CIP2A: variants seen among roughly 807,000 people sequenced by gnomAD.
CIP2A encodes the protein cellular inhibitor of PP2A, also known as protein CIP2A.
Under a neutral mutation model 110.9 loss-of-function variants are expected in CIP2A, and 103 were observed. The ratio of observed to expected loss-of-function variants is 0.93; its 90% CI spans 0.79 to 1.09. The LOEUF is 1.09. CIP2A is among the 50% of genes least tolerant of loss of function. CIP2A has a pLI of 0.00. For missense variants in CIP2A, 1,088 were observed against 1,038.4 expected (o/e 1.05, Z -0.66); for synonymous variants, 381 against 361.6 (o/e 1.05, Z -0.61).
In CIP2A at chr3:108,581,446, T is replaced by C. The variant is rs767593626; in HGVS notation, c.518A>G (p.Asn173Ser). Residue 173 changes from asparagine to serine, a missense_variant, in exon 5 of 21, where the codon AAT becomes AGT. Coordinates refer to ENST00000295746, the MANE Select transcript of CIP2A (RefSeq NM_020890.3). ...CTTTATGTGCGTTTGAACAGAAAGATTGTGCCGACAAAGATTTGCCAATAA... is the reference window on the plus strand; with the variant it reads ...CTTTATGTGCGTTTGAACAGAAAGACTGTGCCGACAAAGATTTGCCAATAA... ...LGLLANLCRH[N>S]LSVQTHIKTL... 1.1e-5 allele frequency: 18 copies of C among 1,612,802 alleles called. No homozygotes were observed. Among genetic ancestry groups the C allele is most frequent in the Admixed American group, 5.0e-5 (3 of 59,994 alleles).
rs1255130328 is a variant in CIP2A, at chr3:108,576,287, G to A, written c.878C>T (p.Pro293Leu). Reference protein sequence around the residue: ...QVLGLLNGKDPDSSSKVLELL... With the variant: ...QVLGLLNGKDLDSSSKVLELL... ...TTTACATACCTTTGAAGAGGAATCAGGATCCTTTCCATTAAGAAGACCTAA... is the reference window on the plus strand; with the variant it reads ...TTTACATACCTTTGAAGAGGAATCAAGATCCTTTCCATTAAGAAGACCTAA... The change falls in exon 8 of 21, where the codon CCT becomes CTT. Residue 293 changes from proline to leucine, a missense_variant. Physicochemically the swap from Pro to Leu is moderately conservative, Grantham distance 98. Coordinates refer to ENST00000295746, the MANE Select transcript of CIP2A (RefSeq NM_020890.3). 1.3e-6 allele frequency: 2 copies of A among 1,560,968 alleles called. No individual in the cohort carries two copies. The highest frequency in any genetic ancestry group is 8.7e-7 in the Non-Finnish European group (1 of 1,152,724).
intron 8 of CIP2A, among the ~76,000 whole-genome samples, chr3:108,571,038 G>C (rs1328983121): frequency 6.6e-6 from 1 of 151,880 alleles, no homozygotes; most frequent in Non-Finnish European, 1.5e-5. Flanking sequence ...CATTAGCCCA[G>C]GTCTACACAG....
In CIP2A at chr3:108,585,046, G is replaced by A. The variant is rs774189436; in HGVS notation, c.250+19C>T. The A allele has an allele frequency of 5.6e-6, 9 of 1,593,418 alleles. No homozygotes were observed. Among genetic ancestry groups the A allele is most frequent in the Non-Finnish European group, 6.8e-6 (8 of 1,170,506 alleles). On this transcript the variant is annotated intron_variant, in intron 2 of 20. Transcript: ENST00000295746. The stretch of plus-strand genomic sequence containing the variant: ...CATACATCTTCCAAAAACTAAAAAG[G>A]AGAAATTAAATGCATTACCTAGTTG...
chr3:108,587,983 G>C (rs1216834929), intron 1 of CIP2A, among the ~76,000 whole-genome samples: 1 of 152,052 alleles, frequency 6.6e-6, no homozygotes, highest in East Asian at 1.9e-4. Context: ...TTCGCATGTT[G>C]GTCAGGCTGG....
chr3:108,560,897 A>G (rs1387306037), intron 13 of CIP2A, 56 bp from the exon 14 acceptor site: 1 of 1,255,080 alleles, frequency 8.0e-7, no homozygotes, highest in African/African-American at 1.5e-5. Flanking sequence ...AAGAAAAGGC[A>G]GACTTAGTGC....
chr3:108,564,618 G>T (rs984136701), intron 12 of CIP2A, among the ~76,000 whole-genome samples: 2 of 151,856 alleles, frequency 1.3e-5, no homozygotes, highest in Admixed American at 1.3e-4. Flanking sequence ...CAGTCAACCT[G>T]AGTTAGTATA....
chr3:108,565,815 C>T (rs1041904968), intron 11 of CIP2A, among the ~76,000 whole-genome samples: 5 of 151,774 alleles, frequency 3.3e-5, no homozygotes, highest in Non-Finnish European at 7.4e-5. Flanking sequence ...ATATCTAATA[C>T]GTAATGAATG....
intron 8 of CIP2A, among the ~76,000 whole-genome samples, chr3:108,572,691 C>A (rs1295438233): frequency 1.3e-5 from 2 of 152,050 alleles, no homozygotes; most frequent in African/African-American, 4.8e-5. Context: ...ATCCAGCCAA[C>A]TTGTTAAATA....
At chr3:108,581,330 T>A in intron 5 of CIP2A, 85 bp downstream of exon 5, 3 of 962,160 alleles carry the variant, frequency 3.1e-6, no homozygotes, top group Non-Finnish European at 4.7e-6. Flanking sequence ...TCAAATTTGT[T>A]TTAAAGAAAA....
In CIP2A at chr3:108,560,009, T is replaced by C; in HGVS notation, c.1847A>G (p.Asp616Gly). ...ATCCATTATGTCAGATATTCTCACATCACAAATCTGATCCTTTACCTACAT... is the reference window on the plus strand; with the variant it reads ...ATCCATTATGTCAGATATTCTCACACCACAAATCTGATCCTTTACCTACAT... The part of the protein sequence containing the change: ...SGMVVKDQIC[D>G]VRISDIMDVY... Residue 616 changes from aspartate to glycine, a missense_variant, in exon 15 of 21, where the codon GAT (aspartate) becomes GGT (glycine). Transcript: ENST00000295746. The C allele has an allele frequency of 1.3e-6, 2 of 1,595,512 alleles. No homozygotes were observed. The highest frequency in any genetic ancestry group is 1.7e-6 in the Non-Finnish European group (2 of 1,166,214).
intron 2 of CIP2A, among the ~76,000 whole-genome samples, chr3:108,584,115 C>T (rs1312364395): frequency 2.0e-5 from 3 of 152,142 alleles, no homozygotes; most frequent in Admixed American, 2.0e-4. Flanking sequence ...TAGAAACACA[C>T]TAATATTTGA....
chr3:108,580,319 A>G (rs1486992232), intron 5 of CIP2A, among the ~76,000 whole-genome samples: 3 of 152,176 alleles, frequency 2.0e-5, no homozygotes, highest in African/African-American at 4.8e-5. Context: ...AGATAGCCAC[A>G]ATCTTGGTGA....
At chr3:108,567,455 T>C (rs1474453415) in intron 10 of CIP2A, among the ~76,000 whole-genome samples, 1 of 151,880 alleles carries the variant, frequency 6.6e-6, no homozygotes, top group Non-Finnish European at 1.5e-5. Flanking sequence ...CTGGTTGAGA[T>C]ACAGTGGCTC....
chr3:108,570,590 G>C (rs928780305), intron 8 of CIP2A, among the ~76,000 whole-genome samples: 1 of 152,090 alleles, frequency 6.6e-6, no homozygotes, highest in Non-Finnish European at 1.5e-5. Flanking sequence ...TAACACAATT[G>C]TAAGTACTTG....
Position 108,568,245 on chromosome 3 carries a change from C to A in CIP2A, c.1183G>T (p.Asp395Tyr), listed in dbSNP as rs1397720279. The change falls in exon 10 of 21, where the codon GAT becomes TAT. Residue 395 changes from aspartate to tyrosine, a missense_variant. Physicochemically the swap from Asp to Tyr is radical, Grantham distance 160 (BLOSUM62 -3). Coordinates refer to ENST00000295746, the MANE Select transcript of CIP2A (RefSeq NM_020890.3). ...FVTLLLPTILDQLQFTEQNLD... is the reference protein window; with the variant it reads ...FVTLLLPTILYQLQFTEQNLD... ...TTTTGTTCTGTGAACTGAAGTTGATCAAGGATTGTAGGCAGCAGAAGGGTC... is the reference window on the plus strand; with the variant it reads ...TTTTGTTCTGTGAACTGAAGTTGATAAAGGATTGTAGGCAGCAGAAGGGTC... 1 of 1,612,228 alleles carries A rather than the reference C, an allele frequency of 6.2e-7. No homozygotes were observed. The highest frequency in any genetic ancestry group is 2.2e-5 in the East Asian group (1 of 44,804).
intron 17 of CIP2A, among the ~76,000 whole-genome samples, chr3:108,555,889 T>C (rs142017845): frequency 2.6e-5 from 4 of 152,312 alleles, no homozygotes; most frequent in African/African-American, 9.6e-5. Context: ...GCTTGCAAGC[T>C]ATTGGGGAGG....
chr3:108,586,856 C>T (rs1939056266), intron 1 of CIP2A, among the ~76,000 whole-genome samples: 1 of 152,160 alleles, frequency 6.6e-6, no homozygotes, highest in South Asian at 2.1e-4. Flanking sequence ...TCAAAGCCTA[C>T]ACTCTGCATG....
intron 8 of CIP2A, among the ~76,000 whole-genome samples, chr3:108,572,260 T>C (rs1671239459): frequency 6.6e-6 from 1 of 152,094 alleles, no homozygotes; most frequent in African/African-American, 2.4e-5. Context: ...AAGAAAATCA[T>C]TGTCTACCCC....
chr3:108,563,316 G>A, intron 12 of CIP2A, 72 bp from the exon 13 acceptor site: 1 of 846,320 alleles, frequency 1.2e-6, no homozygotes, highest in South Asian at 1.4e-5. Flanking sequence ...GATAGGAGGT[G>A]AGTAAATATA....
Sources: allele counts gnomAD v4.1 joint callset (sites outside exome capture counted in the v4.1 genomes callset), GRCh38; gene constraint gnomAD v4.1.1; transcripts MANE v1.5; gene names NCBI Gene and HGNC (gene_info 2026-07-23, HGNC 2026-07-21).